Variants in KDM7A observed in about 807,000 individuals in gnomAD.
The protein encoded by KDM7A is lysine-specific demethylase 7A.
Under a neutral mutation model 114.8 loss-of-function variants are expected in KDM7A, and 28 were observed. The ratio of observed to expected loss-of-function variants is 0.24; its 90% CI spans 0.18 to 0.33. The LOEUF is 0.33. Among genes scored for constraint, KDM7A ranks in the 10% least tolerant of loss-of-function variants. The pLI is 1.00. For missense variants in KDM7A, 942 were observed against 1,142.5 expected (o/e 0.82, Z 2.53); for synonymous variants, 423 against 397.8 (o/e 1.06, Z -0.75).
chr7:140,135,890 C>T (rs1818862615), intron 2 of KDM7A, among the ~76,000 whole-genome samples: 1 of 142,148 alleles, frequency 7.0e-6, no homozygotes, highest in Admixed American at 7.5e-5. Context: ...TAACAATGGG[C>T]ATCAGTACTT....
At chr7:140,147,393 C>G (rs1794350482) in intron 1 of KDM7A, among the ~76,000 whole-genome samples, 1 of 152,104 alleles carries the variant, frequency 6.6e-6, no homozygotes, top group South Asian at 2.1e-4. Context: ...TCTTAAAATT[C>G]TTAACAGCTG....
chr7:140,091,981 T>C lies in KDM7A; in HGVS notation c.2554A>G (p.Ser852Gly). The C allele has an allele frequency of 6.2e-7, 1 of 1,614,106 alleles. No individual in the cohort carries two copies. Among genetic ancestry groups the C allele is most frequent in the Non-Finnish European group, 8.5e-7 (1 of 1,180,012 alleles). ...SRNYVDSSGS[S>G]LQNGKYMQNS... ...TGCATATACTTTCCATTCTGAAGGC[T>C]TGAGCCGCTGCTGTCCACATAATTC... The change falls in exon 19 of 20, where the codon AGC becomes GGC. Residue 852 changes from serine (S) to glycine (G), a missense_variant. This residue lies in a region of KDM7A where 512 missense variants were observed against 576.6 expected (regional missense o/e 0.89). Transcript: ENST00000397560.
chr7:140,165,492 G>A (rs1794563951), intron 1 of KDM7A, among the ~76,000 whole-genome samples: 1 of 152,122 alleles, frequency 6.6e-6, no homozygotes. Flanking sequence ...TAAGGTTTCA[G>A]GTACCAGTGG....
In KDM7A at chr7:140,088,163, C is replaced by T. The variant is rs1372475839; in HGVS notation, c.*2931G>A. 4.8e-6 allele frequency: 1 copy of T among 206,350 alleles called. No homozygotes were observed. Among genetic ancestry groups the T allele is most frequent in the Non-Finnish European group, 9.6e-6 (1 of 104,344 alleles). The allele number at this position is 206,350 out of a possible 1,614,324, so 12.8% of individuals were successfully genotyped here. On this transcript the variant is annotated 3_prime_UTR_variant, in exon 20 of 20. Coordinates refer to ENST00000397560, the MANE Select transcript of KDM7A (RefSeq NM_030647.2). Reference sequence around the variant, plus strand: ...CTGAGTTTATGATTTCAGTCAGAATCTTCAATTCTGTATGCTTAAAAATGA... The same window carrying T: ...CTGAGTTTATGATTTCAGTCAGAATTTTCAATTCTGTATGCTTAAAAATGA...
At chr7:140,092,722 T>G (rs1182037964) in intron 18 of KDM7A, among the ~76,000 whole-genome samples, 2 of 152,210 alleles carry the variant, frequency 1.3e-5, no homozygotes, top group African/African-American at 4.8e-5. Flanking sequence ...GTGTGAATGT[T>G]TCATGAAACC....
chr7:140,092,615 A>C (rs192791900), intron 18 of KDM7A, among the ~76,000 whole-genome samples: 3 of 152,314 alleles, frequency 2.0e-5, no homozygotes, highest in Admixed American at 1.3e-4. Flanking sequence ...GGCAAAAAAA[A>C]CGCTACTGAT....
At chr7:140,105,965 G>C (rs113800410) in intron 11 of KDM7A, among the ~76,000 whole-genome samples, 2,928 of 152,146 alleles carry the variant, frequency 0.019, 80 homozygotes, top group African/African-American at 0.067. Flanking sequence ...CTCAATTTCA[G>C]AGCCTGTTAC....
intron 9 of KDM7A, among the ~76,000 whole-genome samples, chr7:140,117,825 A>G (rs1818556320): frequency 6.6e-6 from 1 of 152,206 alleles, no homozygotes; most frequent in Non-Finnish European, 1.5e-5. Context: ...GGGATTCACG[A>G]TAAGGATTCA....
intron 11 of KDM7A, among the ~76,000 whole-genome samples, chr7:140,105,167 G>A (rs996873500): frequency 2.0e-5 from 3 of 152,118 alleles, no homozygotes; most frequent in African/African-American, 7.2e-5. Context: ...GAAGTTGCTT[G>A]TCAGCTTAAG....
chr7:140,144,417 G>A (rs745952074), intron 1 of KDM7A, among the ~76,000 whole-genome samples: 2 of 152,164 alleles, frequency 1.3e-5, no homozygotes, highest in East Asian at 3.8e-4. Flanking sequence ...GCATGAGTAA[G>A]TCTTCAAGGG....
rs1818066273 is a variant in KDM7A at position 140,094,146 on chromosome 7, G to A, written c.2375-8C>T. 3.9e-6 allele frequency: 6 copies of A among 1,528,874 alleles called. No homozygotes were observed. Among genetic ancestry groups the A allele is most frequent in the Middle Eastern group, 1.7e-4 (1 of 5,936 alleles). 94.7% of individuals were successfully genotyped at this position (1,528,874 alleles called of 1,614,324 possible). On this transcript the variant is annotated splice_region_variant and splice_polypyrimidine_tract_variant and intron_variant, in intron 17 of 19. Transcript: ENST00000397560. ...CAGTCTTGACATGGTATCCTAAAGA[G>A]AAGTTTTAGTTTAATTAACTTTGCA...
chr7:140,119,027 A>G, intron 9 of KDM7A, 86 bp downstream of exon 9: 1 of 743,064 alleles, frequency 1.3e-6, no homozygotes, highest in Non-Finnish European at 2.3e-6. Flanking sequence ...ACTACTAGAA[A>G]AGGGACTCTT....
At chr7:140,125,423 T>C (rs1020169581) in intron 6 of KDM7A, among the ~76,000 whole-genome samples, 3 of 152,254 alleles carry the variant, frequency 2.0e-5, no homozygotes, top group Non-Finnish European at 4.4e-5. Context: ...GCACTTGAAA[T>C]GTGCCTAGTA....
intron 7 of KDM7A, 50 bp from the exon 8 acceptor site, chr7:140,120,579 A>G: frequency 9.6e-7 from 1 of 1,043,504 alleles, no homozygotes; most frequent in East Asian, 2.4e-5. Context: ...TATGTAAACT[A>G]AACCAATAGG....
At chr7:140,172,602 G>C (rs1235493516) in intron 1 of KDM7A, among the ~76,000 whole-genome samples, 1 of 151,958 alleles carries the variant, frequency 6.6e-6, no homozygotes, top group African/African-American at 2.4e-5. Flanking sequence ...GCAGGGAGCT[G>C]AGATTGCGCC....
At chr7:140,123,141 A>C (rs1477315411) in intron 7 of KDM7A, among the ~76,000 whole-genome samples, 1 of 152,230 alleles carries the variant, frequency 6.6e-6, no homozygotes, top group African/African-American at 2.4e-5. Context: ...GCAAATCCAA[A>C]TCATGACACA....
intron 1 of KDM7A, among the ~76,000 whole-genome samples, chr7:140,171,451 G>C (rs1018767473): frequency 1.3e-5 from 2 of 149,218 alleles, no homozygotes; most frequent in Admixed American, 1.3e-4. Context: ...CCTGGAGACA[G>C]AGCAAGATTC....
chr7:140,100,723 T>TATATATATATACAC (rs1818205622), intron 12 of KDM7A, among the ~76,000 whole-genome samples: 2 of 59,342 alleles, frequency 3.4e-5, no homozygotes, highest in Admixed American at 1.9e-4. Flanking sequence ...TATATATATA[T>TATATATATATACAC]ATATATATAT....
chr7:140,135,249 G>A (rs1311755596), intron 2 of KDM7A, among the ~76,000 whole-genome samples: 1 of 148,992 alleles, frequency 6.7e-6, no homozygotes, highest in Non-Finnish European at 1.5e-5. Context: ...CTGTTGCCAG[G>A]CTGGAGTGCA....
Sources: allele counts gnomAD v4.1 joint callset (sites outside exome capture counted in the v4.1 genomes callset), GRCh38; gene constraint gnomAD v4.1.1; regional missense constraint gnomAD v4.1.1; transcripts MANE v1.5; gene names NCBI Gene and HGNC (gene_info 2026-07-23, HGNC 2026-07-21).